The following SHQ1 variants were observed in gnomAD, a reference collection of about 807,000 sequenced individuals.
SHQ1 encodes the protein SHQ1, H/ACA ribonucleoprotein assembly factor, also known as protein SHQ1 homolog.
A neutral mutation model predicts 53.8 loss-of-function variants in SHQ1; 49 were observed. The ratio of observed to expected loss-of-function variants is 0.91; its 90% confidence interval spans 0.72 to 1.16. SHQ1 has a LOEUF of 1.16. SHQ1 is among the 50% of genes most tolerant of loss of function. The pLI, the probability that SHQ1 is intolerant of heterozygous loss-of-function variation, is 0.00. For synonymous variants in SHQ1, 243 were observed against 251.0 expected, an observed-to-expected ratio of 0.97 and a Z score of 0.30; for missense variants, 738 against 683.1, an observed-to-expected ratio of 1.08 and a Z score of -0.90.
At chr3:72,735,464 G>A in the SHQ1 span, among the ~76,000 whole-genome samples, 114,489 of 127,396 alleles carry the variant, frequency 0.9, 53,094 homozygotes, top group East Asian at 1. Flanking sequence ...GAGCTCCAAG[G>A]GCTACTAAAG....
At chr3:72,819,292 C>T (rs1336240242) in intron 6 of SHQ1, among the ~76,000 whole-genome samples, 4 of 152,094 alleles carry the variant, frequency 2.6e-5, no homozygotes, top group African/African-American at 9.7e-5. Context: ...CAGTTTTTTT[C>T]TATTGGATGG....
intron 9 of SHQ1, among the ~76,000 whole-genome samples, 198 bp downstream of exon 9, chr3:72,812,473 A>G (rs17010156): frequency 0.01 from 1,592 of 152,322 alleles, 28 homozygotes; most frequent in African/African-American, 0.037. Context: ...CTCGGAAAAG[A>G]GTCTTTATTA....
chr3:72,832,194 A>G (rs1298620735), intron 5 of SHQ1, among the ~76,000 whole-genome samples, 175 bp downstream of exon 5: 7 of 152,238 alleles, frequency 4.6e-5, no homozygotes, highest in Non-Finnish European at 8.8e-5. Context: ...AACATCTTAC[A>G]AAGATTACAG....
At chr3:72,808,966 T>C (rs1170481611) in intron 9 of SHQ1, among the ~76,000 whole-genome samples, 2 of 152,128 alleles carry the variant, frequency 1.3e-5, no homozygotes, top group Non-Finnish European at 1.5e-5. Flanking sequence ...AAAATGTCCA[T>C]GGATAAAGGT....
At chr3:72,745,381 C>T (rs1320251648), downstream of SHQ1, among the ~76,000 whole-genome samples, 1 of 152,156 alleles carries the variant, frequency 6.6e-6, no homozygotes, top group Non-Finnish European at 1.5e-5. Flanking sequence ...TAGTTACCGG[C>T]ACCTAAAACC....
At chr3:72,810,868 T>C (rs1215485153) in intron 9 of SHQ1, among the ~76,000 whole-genome samples, 4 of 152,192 alleles carry the variant, frequency 2.6e-5, no homozygotes, top group Non-Finnish European at 4.4e-5. Context: ...CAGAACACAC[T>C]GTACATGGTA....
At chr3:72,783,218 C>T (rs1706123803) in intron 10 of SHQ1, among the ~76,000 whole-genome samples, 1 of 152,120 alleles carries the variant, frequency 6.6e-6, no homozygotes, top group Non-Finnish European at 1.5e-5. Flanking sequence ...ACATACTACT[C>T]CCTAGATAAA....
intron 10 of SHQ1, among the ~76,000 whole-genome samples, chr3:72,751,506 G>GTATATATATATATATATATA (rs1312437115): frequency 1.2e-4 from 14 of 117,440 alleles, no homozygotes; most frequent in African/African-American, 5.8e-4. Context: ...GTGTGTGTGT[G>GTATATATATATATATATATA]TGTATATATA....
At chr3:72,797,011 A>G (rs1706646024) in intron 9 of SHQ1, among the ~76,000 whole-genome samples, 1 of 151,040 alleles carries the variant, frequency 6.6e-6, no homozygotes, top group East Asian at 2.0e-4. Context: ...TAATCCCAGC[A>G]CTCTGGGAGG....
At position 72,832,466 on chromosome 3, in the gene SHQ1, CAT is replaced by C. The variant is rs771846416; in HGVS notation, c.500_501del (p.Asp167GlyfsTer3). 1 of 1,611,042 alleles carries C rather than the reference CAT, an allele frequency of 6.2e-7. No homozygotes were observed. Among genetic ancestry groups the C allele is most frequent in the Non-Finnish European group, 8.5e-7 (1 of 1,178,874 alleles). On this transcript the variant is annotated frameshift_variant, in exon 5 of 11. Transcript: ENST00000325599. LOFTEE classifies it high-confidence loss of function. ...VLQRLQDELS[D>X]VIDIKDPDFT... ...AAATCTGGATCCTTAATATCAATAA[CAT>C]CACTCAGTTCATCCTGAGGACACCC... is the stretch of plus-strand genomic sequence containing the variant.
intron 9 of SHQ1, among the ~76,000 whole-genome samples, chr3:72,797,432 T>TA (rs2106811653): frequency 6.6e-6 from 1 of 152,328 alleles, no homozygotes; most frequent in East Asian, 1.9e-4. Flanking sequence ...TACTTTCCTC[T>TA]ATTTTCAAAA....
intron 5 of SHQ1, among the ~76,000 whole-genome samples, chr3:72,827,768 T>TC (rs1287879517): frequency 2.4e-4 from 36 of 149,824 alleles, no homozygotes; most frequent in Non-Finnish European, 3.7e-4. Flanking sequence ...TTTTTTTTTT[T>TC]TTTTGAGACA....
chr3:72,822,870 C>A (rs1241434489), intron 6 of SHQ1, among the ~76,000 whole-genome samples: 2 of 152,132 alleles, frequency 1.3e-5, no homozygotes, highest in Admixed American at 1.3e-4. Context: ...TCACTATAGG[C>A]CGGGCGCGGG....
intron 5 of SHQ1, among the ~76,000 whole-genome samples, chr3:72,831,938 T>C (rs1255979848): frequency 9.2e-5 from 14 of 152,208 alleles, no homozygotes; most frequent in Non-Finnish European, 1.8e-4. Flanking sequence ...GGCTAGTGGA[T>C]GAAAGTTATT....
chr3:72,818,837 G>T (rs1167973506), intron 6 of SHQ1, among the ~76,000 whole-genome samples: 2 of 152,156 alleles, frequency 1.3e-5, no homozygotes, highest in African/African-American at 4.8e-5. Flanking sequence ...GACCTGTAGA[G>T]GCCTCTAAGA....
intron 10 of SHQ1, among the ~76,000 whole-genome samples, chr3:72,788,246 C>T (rs1706305565): frequency 6.6e-6 from 1 of 151,178 alleles, no homozygotes; most frequent in African/African-American, 2.4e-5. Flanking sequence ...TCTGTCTGGC[C>T]GCCCATCGTC....
intron 10 of SHQ1, among the ~76,000 whole-genome samples, chr3:72,761,087 T>C (rs1359760679): frequency 6.6e-6 from 1 of 152,216 alleles, no homozygotes; most frequent in African/African-American, 2.4e-5. Context: ...CAAATATTCA[T>C]GAACGCATTA....
chr3:72,793,274 G>A (rs1260523583), intron 9 of SHQ1: 3 of 307,270 alleles, frequency 9.8e-6, no homozygotes, highest in South Asian at 4.0e-5. Context: ...TTGGGAGGCC[G>A]AGGCGGGCAG....
intron 8 of SHQ1, among the ~76,000 whole-genome samples, 189 bp downstream of exon 8, chr3:72,815,161 C>T (rs747436136): frequency 1.2e-3 from 189 of 152,008 alleles, no homozygotes; most frequent in Non-Finnish European, 2.3e-3. Context: ...TTTCCCTCCC[C>T]CAGCTTCCAA....
Sources: allele counts gnomAD v4.1 joint callset (sites outside exome capture counted in the v4.1 genomes callset), GRCh38; gene constraint gnomAD v4.1.1; transcripts MANE v1.5; gene names NCBI Gene and HGNC (gene_info 2026-07-23, HGNC 2026-07-21).